Variants in SCN9A observed in about 807,000 individuals in gnomAD.
SCN9A encodes the protein sodium channel protein type 9 subunit alpha.
In SCN9A, 131 loss-of-function variants were observed where a neutral mutation model predicts 187.0. The observed-to-expected ratio is 0.70, with a 90% CI of 0.61 to 0.81. The LOEUF is 0.81. Among genes scored for constraint, SCN9A ranks in the 30% least tolerant of loss-of-function variants. The pLI is 0.00. For synonymous variants in SCN9A, 809 were observed against 808.6 expected (o/e 1.00, Z -0.01); for missense variants, 2,252 against 2,396.6 (o/e 0.94, Z 1.26).
Position 166,370,226 on chromosome 2 carries a change from A to ATCATCATCATCATCATC in SCN9A, c.-51+5470_-51+5471insGATGATGATGATGATGA, listed in dbSNP as rs1553507717. ...TAATAATAATAATAATAATAATAAT[A>ATCATCATCATCATCATC]ATAATAATAATCATCATCATCATCA... On this transcript the variant is annotated intron_variant, in intron 1 of 26. Coordinates refer to ENST00000642356, the MANE Select transcript of SCN9A (RefSeq NM_001365536.1). 2.0e-3 allele frequency among the ~76,000 whole-genome samples: 264 copies of ATCATCATCATCATCATC among 131,580 alleles called. 1 individual carries two copies. Among genetic ancestry groups the ATCATCATCATCATCATC allele is most frequent in the African/African-American group, 7.3e-3 (244 of 33,584 alleles). The allele number at this position is 131,580 out of a possible 152,430, so 86.3% of individuals were successfully genotyped here. A position where few individuals can be genotyped will look rare whatever the true frequency, so the allele number is the denominator to read the frequency against.
rs1461679713 is a variant in SCN9A at position 166,370,550 on chromosome 2, T to TA, written c.-51+5146dup. Reference sequence around the variant, plus strand: ...AGAGCGAGACTCCGTCTCAAAAAAATAAAAAATAAAAAAAAAAAAGAATCT... The same window carrying TA: ...AGAGCGAGACTCCGTCTCAAAAAAATAAAAAAATAAAAAAAAAAAAGAATCT... On this transcript the variant is annotated intron_variant, in intron 1 of 26. Coordinates refer to ENST00000642356, the MANE Select transcript of SCN9A (RefSeq NM_001365536.1). Among the ~76,000 whole-genome samples, 62 of 113,758 alleles carry TA rather than the reference T, an allele frequency of 5.5e-4. 1 individual carries two copies. The highest frequency in any genetic ancestry group is 9.5e-4 in the Non-Finnish European group (44 of 46,470). The allele number at this position is 113,758 out of a possible 152,430, so 74.6% of individuals were successfully genotyped here.
intron 1 of SCN9A, among the ~76,000 whole-genome samples, chr2:166,328,373 C>A (rs1426953253): frequency 1.3e-5 from 2 of 151,828 alleles, no homozygotes; most frequent in Admixed American, 1.3e-4. Flanking sequence ...AGACCTAGTA[C>A]TCATTGGTTA....
At chr2:166,218,247 C>T (rs1395023741) in intron 24 of SCN9A, among the ~76,000 whole-genome samples, 1 of 121,442 alleles carries the variant, frequency 8.2e-6, no homozygotes, top group African/African-American at 3.3e-5. Flanking sequence ...CATGATCTCA[C>T]TTACATGTAA....
At chr2:166,373,843 CTT>C (rs1241988516) in intron 1 of SCN9A, among the ~76,000 whole-genome samples, 1 of 152,044 alleles carries the variant, frequency 6.6e-6, no homozygotes, top group African/African-American at 2.4e-5. Flanking sequence ...ACTTCACACT[CTT>C]TTGCATAACT....
chr2:166,373,025 C>CA (rs1171675215), intron 1 of SCN9A, among the ~76,000 whole-genome samples: 1 of 151,966 alleles, frequency 6.6e-6, no homozygotes, highest in Non-Finnish European at 1.5e-5. Context: ...CTTTCCAAAA[C>CA]AAAAAAACCT....
At chr2:166,252,733 CA>C (rs1696101209) in intron 17 of SCN9A, among the ~76,000 whole-genome samples, 1 of 151,670 alleles carries the variant, frequency 6.6e-6, no homozygotes, top group Non-Finnish European at 1.5e-5. Flanking sequence ...AGGTTTTTCT[CA>C]CCCAGAGCTT....
At chr2:166,295,266 G>A (rs57156857) in intron 7 of SCN9A, among the ~76,000 whole-genome samples, 2,528 of 152,296 alleles carry the variant, frequency 0.017, 39 homozygotes, top group African/African-American at 0.046. Flanking sequence ...GGCAGGGGCC[G>A]GATCATGTCG....
chr2:166,212,052 A>C (rs1051447086), intron 24 of SCN9A, among the ~76,000 whole-genome samples: 11 of 152,236 alleles, frequency 7.2e-5, no homozygotes, highest in Admixed American at 1.3e-4. Context: ...AAGAAAACAT[A>C]GTTTGAAAGT....
intron 17 of SCN9A, among the ~76,000 whole-genome samples, chr2:166,253,105 A>G (rs1191745067): frequency 1.3e-5 from 2 of 151,940 alleles, no homozygotes; most frequent in Non-Finnish European, 2.9e-5. Flanking sequence ...TTTGACTTTT[A>G]GAGATTGACT....
At chr2:166,278,039 T>A (rs929058398) in intron 15 of SCN9A, 101 bp downstream of exon 15, 1 of 861,198 alleles carries the variant, frequency 1.2e-6, no homozygotes, top group African/African-American at 1.7e-5. Flanking sequence ...GATATAATCT[T>A]GCCTTTTGAT....
In SCN9A at chr2:166,311,735, C is replaced by T. The variant is rs769491361; in HGVS notation, c.22G>A (p.Gly8Arg). 6.2e-7 allele frequency: 1 copy of T among 1,603,418 alleles called. No individual in the cohort carries two copies. Among genetic ancestry groups the T allele is most frequent in the Non-Finnish European group, 8.5e-7 (1 of 1,173,282 alleles). The change falls in exon 2 of 27, where the codon GGA (glycine) becomes AGA (arginine). Residue 8 changes from glycine to arginine, a missense_variant. Gly to Arg is a moderately radical substitution (Grantham distance 125). This residue lies in a region of SCN9A where 1,013 missense variants were observed against 997.4 expected (regional missense o/e 1.02). Coordinates refer to ENST00000642356, the MANE Select transcript of SCN9A (RefSeq NM_001365536.1). MAMLPPP[G>R]PQSFVHFTKQ... ...GTGAAATGGACAAAGCTCTGAGGTC[C>T]TGGGGGAGGCAACATTGCCATCTTT... is the stretch of plus-strand genomic sequence containing the variant.
At chr2:166,358,506 A>G (rs1700205881) in intron 1 of SCN9A, among the ~76,000 whole-genome samples, 2 of 151,998 alleles carry the variant, frequency 1.3e-5, no homozygotes, top group Admixed American at 1.3e-4. Context: ...CACTTTTTTA[A>G]TAGACTATCA....
intron 1 of SCN9A, among the ~76,000 whole-genome samples, chr2:166,356,056 C>T (rs1317473643): frequency 6.6e-6 from 1 of 152,146 alleles, no homozygotes; most frequent in East Asian, 1.9e-4. Flanking sequence ...CAGGCGTGAG[C>T]CACTGCGCCT....
chr2:166,359,959 C>A (rs989585735), intron 1 of SCN9A, among the ~76,000 whole-genome samples: 1 of 151,640 alleles, frequency 6.6e-6, no homozygotes, highest in East Asian at 1.9e-4. Context: ...TGGTGGCTCA[C>A]GCCTATAATC....
At chr2:166,307,219 C>G in intron 2 of SCN9A, 145 bp from the exon 3 acceptor site, 3 of 563,240 alleles carry the variant, frequency 5.3e-6, no homozygotes. Flanking sequence ...CCAATGTCAT[C>G]AACGCATCTA....
At position 166,198,387 on chromosome 2, in the gene SCN9A, C is replaced by A; in HGVS notation, c.*285G>T. 1 of 281,002 alleles carries A rather than the reference C, an allele frequency of 3.6e-6. No individual in the cohort carries two copies. The highest frequency in any genetic ancestry group is 6.6e-6 in the Non-Finnish European group (1 of 151,058). The allele number at this position is 281,002 out of a possible 1,614,324, so 17.4% of individuals were successfully genotyped here. A position where few individuals can be genotyped will look rare whatever the true frequency, so the allele number is the denominator to read the frequency against. On this transcript the variant is annotated 3_prime_UTR_variant, in exon 27 of 27. Coordinates refer to ENST00000642356, the MANE Select transcript of SCN9A (RefSeq NM_001365536.1). ...ATGACAAGGCAGATGTAAAAGTTTT[C>A]TACATGGTCTTCTGATTTATTAAAA...
intron 1 of SCN9A, among the ~76,000 whole-genome samples, chr2:166,349,867 G>T (rs1483126060): frequency 6.6e-6 from 1 of 152,028 alleles, no homozygotes; most frequent in African/African-American, 2.4e-5. Context: ...AGCTACTCAG[G>T]AGGCTGAGGC....
At chr2:166,232,212 G>A (rs1695115624) in intron 21 of SCN9A, among the ~76,000 whole-genome samples, 1 of 152,146 alleles carries the variant, frequency 6.6e-6, no homozygotes, top group African/African-American at 2.4e-5. Flanking sequence ...TGTCCTCCAT[G>A]TGTGTTACAA....
chr2:166,271,743 A>G (rs1696997112), intron 17 of SCN9A, among the ~76,000 whole-genome samples: 1 of 152,066 alleles, frequency 6.6e-6, no homozygotes, highest in African/African-American at 2.4e-5. Context: ...GTGTAGTCCC[A>G]GCAACTCAGG....
Sources: gnomAD v4.1 joint callset for allele counts (sites outside exome capture counted in the v4.1 genomes callset) on GRCh38, gnomAD v4.1.1 for gene constraint, gnomAD v4.1.1 regional missense constraint, MANE v1.5 for transcripts, NCBI Gene and HGNC (gene_info 2026-07-23, HGNC 2026-07-21) for gene names.